Variants in DOCK2 observed in about 807,000 individuals in gnomAD.
DOCK2 encodes the protein dedicator of cytokinesis 2, also known as dedicator of cytokinesis protein 2.
DOCK2 carries 87 observed loss-of-function variants against 248.9 expected under a neutral mutation model. The ratio of observed to expected loss-of-function variants is 0.35; its 90% confidence interval spans 0.29 to 0.42. DOCK2 has a LOEUF of 0.42. Ranked by LOEUF, DOCK2 falls within the 10% of genes least tolerant of loss-of-function variation. DOCK2 has a pLI of 1.00. For missense variants in DOCK2, 1,747 were observed against 2,300.2 expected (o/e 0.76, Z 4.92); for synonymous variants, 805 against 821.6 (o/e 0.98, Z 0.35).
intron 6 of DOCK2, among the ~76,000 whole-genome samples, chr5:169,675,027 GC>G: frequency 1.3e-5 from 2 of 152,304 alleles, no homozygotes; most frequent in Middle Eastern, 3.4e-3. Context: ...TGTACACCAG[GC>G]TTGGTGCTAA....
At chr5:169,734,079 T>A (rs73318280) in intron 22 of DOCK2, among the ~76,000 whole-genome samples, 14,650 of 152,182 alleles carry the variant, frequency 0.096, 1,281 homozygotes, top group Admixed American at 0.28. Context: ...TTTCTATCTT[T>A]TTTGTTTTCT....
chr5:170,077,316 T>C (rs1165353592), intron 47 of DOCK2, among the ~76,000 whole-genome samples: 1 of 152,140 alleles, frequency 6.6e-6, no homozygotes, highest in Admixed American at 6.5e-5. Flanking sequence ...TCTGGGCCTG[T>C]CCACTCCCTG....
chr5:169,874,973 T>C (rs1442415709), intron 27 of DOCK2, among the ~76,000 whole-genome samples: 1 of 152,068 alleles, frequency 6.6e-6, no homozygotes, highest in Non-Finnish European at 1.5e-5. Flanking sequence ...CATTCTCACC[T>C]TTACCCAACA....
intron 27 of DOCK2, among the ~76,000 whole-genome samples, chr5:169,911,882 G>T (rs1013429154): frequency 6.6e-6 from 1 of 152,164 alleles, no homozygotes; most frequent in African/African-American, 2.4e-5. Context: ...GAAAAATAAT[G>T]CCCCACTGTC....
intron 25 of DOCK2, among the ~76,000 whole-genome samples, chr5:169,762,182 A>T (rs900610536): frequency 1.3e-5 from 2 of 152,206 alleles, no homozygotes; most frequent in African/African-American, 4.8e-5. Flanking sequence ...GACCCTGTGC[A>T]TGGCTAATCC....
At chr5:169,734,201 A>G (rs1762921263) in intron 22 of DOCK2, among the ~76,000 whole-genome samples, 1 of 152,012 alleles carries the variant, frequency 6.6e-6, no homozygotes, top group South Asian at 2.1e-4. Flanking sequence ...CAATTACAAT[A>G]TTATTTTCAA....
intron 25 of DOCK2, among the ~76,000 whole-genome samples, chr5:169,801,146 G>GGTTT (rs1561709040): frequency 2.6e-5 from 2 of 76,076 alleles, no homozygotes; most frequent in Non-Finnish European, 2.8e-5. Context: ...ATAGTTTTGG[G>GGTTT]TTTTTTTTTT....
At chr5:169,697,181 G>A (rs1363688311) in intron 10 of DOCK2, among the ~76,000 whole-genome samples, 10 of 152,192 alleles carry the variant, frequency 6.6e-5, no homozygotes, top group Admixed American at 6.5e-4. Context: ...CTTATGAATA[G>A]ATCGCTTCAG....
At chr5:169,987,843 A>T (rs1778105607) in intron 29 of DOCK2, among the ~76,000 whole-genome samples, 1 of 152,228 alleles carries the variant, frequency 6.6e-6, no homozygotes, top group East Asian at 1.9e-4. Flanking sequence ...TAAAGAAAAA[A>T]GTTAGACTCT....
intron 12 of DOCK2, 44 bp downstream of exon 12, chr5:169,699,502 G>C: frequency 6.3e-7 from 1 of 1,580,298 alleles, no homozygotes; most frequent in Non-Finnish European, 8.6e-7. Context: ...CTCCAGCTTG[G>C]GAGCCCCTAA....
chr5:169,915,818 C>T (rs889429929), intron 27 of DOCK2, among the ~76,000 whole-genome samples: 2 of 152,152 alleles, frequency 1.3e-5, no homozygotes, highest in African/African-American at 4.8e-5. Context: ...TGAGCTGGTA[C>T]ATAAATCTAA....
In DOCK2 at chr5:170,082,875, G is replaced by A. The variant is rs1245240282; in HGVS notation, c.*17G>A. 8.1e-6 allele frequency: 13 copies of A among 1,614,064 alleles called. No individual in the cohort carries two copies. Among genetic ancestry groups the A allele is most frequent in the Non-Finnish European group, 9.3e-6 (11 of 1,180,032 alleles). On this transcript the variant is annotated 3_prime_UTR_variant, in exon 52 of 52. Coordinates refer to ENST00000520908, the MANE Select transcript of DOCK2 (RefSeq NM_004946.3). ...GACCTGTGAGCTGCTGCTGACTAGG[G>A]CTGCATGGGAGAGCCAGGGAGGGGA...
intron 27 of DOCK2, among the ~76,000 whole-genome samples, chr5:169,898,269 G>A (rs1427265133): frequency 6.6e-6 from 1 of 152,152 alleles, no homozygotes; most frequent in Admixed American, 6.5e-5. Context: ...CTTTCTCATG[G>A]GGGCTCCGCT....
intron 32 of DOCK2, among the ~76,000 whole-genome samples, chr5:170,015,795 T>A (rs1385978344): frequency 2.1e-5 from 3 of 140,828 alleles, no homozygotes; most frequent in African/African-American, 8.0e-5. Context: ...CCTCCCTCCC[T>A]CCTTTCTCCC....
At chr5:169,757,116 A>T (rs1409067648) in intron 23 of DOCK2, among the ~76,000 whole-genome samples, 1 of 152,072 alleles carries the variant, frequency 6.6e-6, no homozygotes, top group Non-Finnish European at 1.5e-5. Context: ...GATAGGAATA[A>T]CTGAGTCTTT....
At chr5:169,927,853 T>TGA (rs1775549505) in intron 27 of DOCK2, among the ~76,000 whole-genome samples, 1 of 152,146 alleles carries the variant, frequency 6.6e-6, no homozygotes, top group African/African-American at 2.4e-5. Flanking sequence ...CCTGACCTCA[T>TGA]GATCCACCCG....
chr5:170,039,090 C>T (rs1233968884), intron 36 of DOCK2, among the ~76,000 whole-genome samples: 1 of 152,196 alleles, frequency 6.6e-6, no homozygotes, highest in Non-Finnish European at 1.5e-5. Flanking sequence ...CTGCTTCTGG[C>T]TCTGGCTCTT....
In DOCK2 at chr5:169,923,661, A is replaced by C. The variant is rs59845047; in HGVS notation, c.2800-59407A>C. On this transcript the variant is annotated intron_variant, in intron 27 of 51. Coordinates refer to ENST00000520908, the MANE Select transcript of DOCK2 (RefSeq NM_004946.3). Reference sequence around the variant, plus strand: ...ATAAAAGAAGGATAATATTGCTTCAAAGAAGGTTAATAGGACTAAGTAAGG... The same window carrying C: ...ATAAAAGAAGGATAATATTGCTTCACAGAAGGTTAATAGGACTAAGTAAGG... Among the ~76,000 whole-genome samples the C allele has an allele frequency of 4.4e-3, 675 of 152,372 alleles. 5 individuals are homozygous for C. Among genetic ancestry groups the C allele is most frequent in the Middle Eastern group, 0.02 (6 of 294 alleles).
At chr5:169,977,084 C>T (rs9313476) in intron 27 of DOCK2, among the ~76,000 whole-genome samples, 45,082 of 152,088 alleles carry the variant, frequency 0.3, 7,464 homozygotes, top group Middle Eastern at 0.39. Flanking sequence ...ACTAAGTTTT[C>T]GATGAAGACA....
Sources: gnomAD v4.1 joint callset for allele counts (sites outside exome capture counted in the v4.1 genomes callset) on GRCh38, gnomAD v4.1.1 for gene constraint, MANE v1.5 for transcripts, NCBI Gene and HGNC (gene_info 2026-07-23, HGNC 2026-07-21) for gene names.